SLC24A3: variants seen among roughly 807,000 people sequenced by gnomAD.
SLC24A3 encodes solute carrier family 24 member 3, also known as sodium/potassium/calcium exchanger 3.
Under a neutral mutation model 75.8 loss-of-function variants are expected in SLC24A3, and 28 were observed. That is an observed-to-expected ratio of 0.37 (90% CI 0.27 to 0.51). SLC24A3 has a LOEUF of 0.51. Among genes scored for constraint, SLC24A3 ranks in the 20% least tolerant of loss-of-function variants. SLC24A3 has a pLI of 0.94. For synonymous variants in SLC24A3, 372 were observed against 334.1 expected (o/e 1.11, Z -1.24); for missense variants, 663 against 847.8 (o/e 0.78, Z 2.71).
intron 3 of SLC24A3, among the ~76,000 whole-genome samples, chr20:19,549,669 A>C (rs2030659596): frequency 6.6e-6 from 1 of 152,166 alleles, no homozygotes; most frequent in African/African-American, 2.4e-5. Context: ...CTGTAATCCC[A>C]GCTACTCAGG....
chr20:19,421,622 T>C (rs1425438353), intron 2 of SLC24A3, among the ~76,000 whole-genome samples: 2 of 152,130 alleles, frequency 1.3e-5, no homozygotes, highest in Non-Finnish European at 2.9e-5. Flanking sequence ...CAGCTAAAGA[T>C]GTGGATCCTT....
chr20:19,220,958 G>A (rs935861774), intron 1 of SLC24A3, among the ~76,000 whole-genome samples: 1 of 152,210 alleles, frequency 6.6e-6, no homozygotes, highest in Non-Finnish European at 1.5e-5. Flanking sequence ...GAAATACACT[G>A]TACTTAAATT....
chr20:19,452,172 C>T (rs894643893), intron 2 of SLC24A3, among the ~76,000 whole-genome samples: 2 of 152,162 alleles, frequency 1.3e-5, no homozygotes, highest in Admixed American at 1.3e-4. Flanking sequence ...CACAGACCAA[C>T]ATTTGAGAAG....
intron 3 of SLC24A3, among the ~76,000 whole-genome samples, chr20:19,543,413 T>C (rs2030535620): frequency 6.6e-6 from 1 of 152,246 alleles, no homozygotes; most frequent in Non-Finnish European, 1.5e-5. Flanking sequence ...GCCATAAATT[T>C]GAGCCTCTGG....
intron 2 of SLC24A3, among the ~76,000 whole-genome samples, chr20:19,351,667 G>A (rs1203646813): frequency 1.3e-5 from 2 of 152,130 alleles, no homozygotes; most frequent in Non-Finnish European, 2.9e-5. Flanking sequence ...TAGTTGGACT[G>A]GAGGTTTGGC....
intron 2 of SLC24A3, among the ~76,000 whole-genome samples, chr20:19,471,247 T>G (rs1243023024): frequency 6.6e-6 from 1 of 152,298 alleles, no homozygotes; most frequent in East Asian, 1.9e-4. Flanking sequence ...CTCTCGTCCA[T>G]GAGAGATCCC....
At chr20:19,589,285 C>T (rs2031340440) in intron 6 of SLC24A3, among the ~76,000 whole-genome samples, 1 of 152,234 alleles carries the variant, frequency 6.6e-6, no homozygotes, top group South Asian at 2.1e-4. Flanking sequence ...AACTGGGAGA[C>T]AGTTTAACTG....
intron 15 of SLC24A3, among the ~76,000 whole-genome samples, chr20:19,708,445 A>C (rs895309677): frequency 2.6e-5 from 4 of 152,182 alleles, no homozygotes; most frequent in Admixed American, 2.6e-4. Context: ...TCAGGCTCCC[A>C]GCACCAGGAC....
intron 12 of SLC24A3, among the ~76,000 whole-genome samples, chr20:19,687,962 A>G (rs1340093788): frequency 6.6e-6 from 1 of 152,136 alleles, no homozygotes; most frequent in African/African-American, 2.4e-5. Context: ...GCTTCACCTG[A>G]GGCTCAGGAA....
chr20:19,554,002 A>G (rs2030744530), intron 3 of SLC24A3, among the ~76,000 whole-genome samples: 1 of 152,200 alleles, frequency 6.6e-6, no homozygotes, highest in South Asian at 2.1e-4. Flanking sequence ...AAGGCACTGA[A>G]TGCAAACCAA....
At chr20:19,252,643 C>CGGGGGTGGGGGGGGG (rs1555783962) in intron 1 of SLC24A3, among the ~76,000 whole-genome samples, 1 of 133,364 alleles carries the variant, frequency 7.5e-6, no homozygotes, top group Non-Finnish European at 1.7e-5. Flanking sequence ...ATTGGAATGG[C>CGGGGGTGGGGGGGGG]GGGGGGGGGT....
chr20:19,673,741 T>C, intron 9 of SLC24A3, 87 bp downstream of exon 9: 1 of 1,148,848 alleles, frequency 8.7e-7, no homozygotes, highest in Admixed American at 1.8e-5. Flanking sequence ...GGGGTGGGTA[T>C]CTGACTGGTT....
intron 2 of SLC24A3, among the ~76,000 whole-genome samples, chr20:19,314,476 G>A (rs1157915129): frequency 6.6e-6 from 1 of 151,536 alleles, no homozygotes; most frequent in African/African-American, 2.4e-5. Context: ...CACCATACCT[G>A]GCTAATTTTT....
chr20:19,703,865 G>C (rs2032899554), intron 15 of SLC24A3, among the ~76,000 whole-genome samples: 3 of 152,324 alleles, frequency 2.0e-5, no homozygotes, highest in South Asian at 4.1e-4. Context: ...ACCTCACAGA[G>C]GGGGTTACAG....
chr20:19,264,118 A>C (rs1983083190), intron 1 of SLC24A3: 1 of 147,676 alleles, frequency 6.8e-6, no homozygotes, highest in Non-Finnish European at 1.5e-5. Context: ...GCTAATTTCC[A>C]CCACTACACT....
At chr20:19,280,055 A>G (rs1345613897) in intron 1 of SLC24A3, among the ~76,000 whole-genome samples, 1 of 152,222 alleles carries the variant, frequency 6.6e-6, no homozygotes, top group African/African-American at 2.4e-5. Flanking sequence ...AAAGATTTAA[A>G]AAGAAGCAGG....
chr20:19,595,145 G>T (rs1280259182), intron 6 of SLC24A3, among the ~76,000 whole-genome samples: 2 of 152,274 alleles, frequency 1.3e-5, no homozygotes, highest in African/African-American at 2.4e-5. Flanking sequence ...ACAGGAAGAG[G>T]CATATTCATC....
chr20:19,672,765 G>A (rs575855375), intron 8 of SLC24A3, among the ~76,000 whole-genome samples: 3 of 152,180 alleles, frequency 2.0e-5, no homozygotes, highest in Non-Finnish European at 4.4e-5. Context: ...AAAAACCCTT[G>A]TGTATGTATC....
intron 2 of SLC24A3, among the ~76,000 whole-genome samples, chr20:19,368,147 G>A (rs1985929605): frequency 6.6e-6 from 1 of 151,020 alleles, no homozygotes; most frequent in South Asian, 2.1e-4. Context: ...TAGTTAACAT[G>A]TTGGGGGCAG....
Sources: gnomAD v4.1 joint callset for allele counts (sites outside exome capture counted in the v4.1 genomes callset) on GRCh38, gnomAD v4.1.1 for gene constraint, MANE v1.5 for transcripts, NCBI Gene and HGNC (gene_info 2026-07-23, HGNC 2026-07-21) for gene names.